The following USP8 variants were observed in gnomAD, a reference collection of about 807,000 sequenced individuals.
USP8 encodes the protein ubiquitin carboxyl-terminal hydrolase 8.
USP8 carries 27 observed loss-of-function variants against 130.0 expected under a neutral mutation model. The observed-to-expected ratio is 0.21, with a 90% confidence interval of 0.15 to 0.29. The LOEUF (loss-of-function observed/expected upper bound fraction) is 0.29. Among genes scored for constraint, USP8 ranks in the 10% least tolerant of loss-of-function variants. USP8 has a pLI of 1.00. For missense variants in USP8, 1,029 were observed against 1,312.2 expected, an observed-to-expected ratio of 0.78 and a Z score of 3.33; for synonymous variants, 392 against 444.1, an observed-to-expected ratio of 0.88 and a Z score of 1.48.
At chr15:50,426,233 A>G (rs986205422) in intron 1 of USP8, among the ~76,000 whole-genome samples, 1 of 152,226 alleles carries the variant, frequency 6.6e-6, no homozygotes, top group African/African-American at 2.4e-5. Context: ...TAAGTCTAGC[A>G]CTATATTACG....
intron 10 of USP8, among the ~76,000 whole-genome samples, chr15:50,480,595 T>C (rs1222294289): frequency 6.6e-6 from 1 of 152,118 alleles, no homozygotes; most frequent in Non-Finnish European, 1.5e-5. Flanking sequence ...GAACAGCTGA[T>C]AGACCTAAGT....
intron 12 of USP8, among the ~76,000 whole-genome samples, chr15:50,486,064 A>T (rs2051951666): frequency 6.6e-6 from 1 of 152,164 alleles, no homozygotes; most frequent in African/African-American, 2.4e-5. Context: ...GACTGACTCC[A>T]TATCCAATCT....
At chr15:50,437,331 C>T (rs1185635897) in intron 1 of USP8, among the ~76,000 whole-genome samples, 2 of 152,056 alleles carry the variant, frequency 1.3e-5, no homozygotes, top group African/African-American at 2.4e-5. Context: ...TATAATGTTG[C>T]GTTTAACATT....
chr15:50,428,452 C>T (rs557796708), intron 1 of USP8, among the ~76,000 whole-genome samples: 1 of 152,174 alleles, frequency 6.6e-6, no homozygotes, highest in Non-Finnish European at 1.5e-5. Context: ...CAGTCTTCCT[C>T]TTATCTGCAG....
In USP8 at chr15:50,500,906, G is replaced by C; in HGVS notation, c.*1818G>C. The C allele has an allele frequency of 8.0e-7, 1 of 1,254,568 alleles. No individual in the cohort carries two copies. The highest frequency in any genetic ancestry group is 1.1e-6 in the Non-Finnish European group (1 of 880,828). The allele number at this position is 1,254,568 out of a possible 1,614,324, so 77.7% of individuals were successfully genotyped here. ...ACTAACTACTGGAACAGAAATGATA[G>C]GGCCAAGAGATGCTTTTTAAATTGT... On this transcript the variant is annotated 3_prime_UTR_variant, in exon 20 of 20. Transcript: ENST00000307179.
chr15:50,435,049 G>A (rs1402754665), intron 1 of USP8, among the ~76,000 whole-genome samples: 1 of 152,154 alleles, frequency 6.6e-6, no homozygotes, highest in Non-Finnish European at 1.5e-5. Context: ...TGTTGTTGCT[G>A]CTGCTGTTTT....
At position 50,453,379 on chromosome 15, in the gene USP8, A is replaced by G. The variant is rs550426700; in HGVS notation, c.335+3894A>G. ...TATAATTTATTTTGAAATATTTTCT[A>G]ATTTCCCTTTCTTCCTTGACCCATG... On this transcript the variant is annotated intron_variant, in intron 4 of 19. Coordinates refer to ENST00000307179, the MANE Select transcript of USP8 (RefSeq NM_005154.5). Among the ~76,000 whole-genome samples, 13 of 152,310 alleles carry G rather than the reference A, an allele frequency of 8.5e-5. No individual in the cohort carries two copies. The East Asian group carries it at 2.5e-3, about 29-fold the overall frequency.
chr15:50,450,232 T>C (rs924138952), intron 4 of USP8, among the ~76,000 whole-genome samples: 8 of 152,124 alleles, frequency 5.3e-5, no homozygotes, highest in Non-Finnish European at 1.2e-4. Context: ...TCTGGCATTA[T>C]TCTTTAGAAA....
intron 13 of USP8, 114 bp from the exon 14 acceptor site, chr15:50,490,149 C>A: frequency 8.5e-7 from 1 of 1,180,906 alleles, no homozygotes; most frequent in Non-Finnish European, 1.2e-6. Flanking sequence ...CCATTTTATT[C>A]GAATTATTTT....
At chr15:50,466,567 C>T (rs1164070177) in intron 7 of USP8, among the ~76,000 whole-genome samples, 2 of 151,256 alleles carry the variant, frequency 1.3e-5, no homozygotes, top group Non-Finnish European at 2.9e-5. Flanking sequence ...TGCACTCCAG[C>T]CTGGGCTACA....
Position 50,482,053 on chromosome 15 carries a change from A to G in USP8, c.1791A>G (p.Ser597=), listed in dbSNP as rs755313736. Residue 597 remains serine (S), a synonymous_variant, in exon 11 of 20, where the codon TCA becomes TCG. Coordinates refer to ENST00000307179, the MANE Select transcript of USP8 (RefSeq NM_005154.5). ...CCCATACATCTGTGACAGGGGATTC[A>G]GGTTCAGGCAAGGTAAGCAGAAACA... ...DVPHTSVTGD[S]GSGKPFKIKG... 6.7e-7 allele frequency: 1 copy of G among 1,502,206 alleles called. No individual in the cohort carries two copies. The highest frequency in any genetic ancestry group is 1.4e-5 in the South Asian group (1 of 72,078). 93.1% of individuals were successfully genotyped at this position (1,502,206 alleles called of 1,614,324 possible).
chr15:50,448,420 C>G (rs1487744283), intron 3 of USP8, among the ~76,000 whole-genome samples: 1 of 152,034 alleles, frequency 6.6e-6, no homozygotes, highest in African/African-American at 2.4e-5. Flanking sequence ...AATGATTGAC[C>G]TCTTGGAGTA....
chr15:50,466,690 C>G (rs1046332398), intron 7 of USP8: 6 of 202,376 alleles, frequency 3.0e-5, no homozygotes, highest in African/African-American at 4.7e-5. Context: ...TGCTGTACTG[C>G]TGTTGCTCTC....
chr15:50,512,028 G>A lies in USP8; in HGVS notation c.*12940G>A, dbSNP rs541249665. ...AAAATAAATAAAATTTTAAAAATACGCAGAATAGGCACATCTATAGAAATA... is the reference window on the plus strand; with the variant it reads ...AAAATAAATAAAATTTTAAAAATACACAGAATAGGCACATCTATAGAAATA... On this transcript the variant is annotated 3_prime_UTR_variant, in exon 20 of 20. Coordinates refer to ENST00000307179, the MANE Select transcript of USP8 (RefSeq NM_005154.5). 4 of 151,928 alleles carry A rather than the reference G, an allele frequency of 2.6e-5. No individual in the cohort carries two copies. The highest frequency in any genetic ancestry group is 9.7e-5 in the African/African-American group (4 of 41,402). 9.4% of individuals were successfully genotyped at this position (151,928 alleles called of 1,614,324 possible).
chr15:50,433,576 C>T (rs1431051650), intron 1 of USP8, among the ~76,000 whole-genome samples: 1 of 152,120 alleles, frequency 6.6e-6, no homozygotes, highest in African/African-American at 2.4e-5. Context: ...TAGAAAGGAG[C>T]AGAAGGATGT....
chr15:50,483,018 A>T (rs1253283898), intron 11 of USP8, among the ~76,000 whole-genome samples: 2 of 152,230 alleles, frequency 1.3e-5, no homozygotes, highest in Non-Finnish European at 2.9e-5. Context: ...TATGAAGCCC[A>T]TGTACTAAAA....
chr15:50,458,073 T>C (rs987221098), intron 4 of USP8, among the ~76,000 whole-genome samples: 3 of 152,154 alleles, frequency 2.0e-5, no homozygotes, highest in Non-Finnish European at 2.9e-5. Flanking sequence ...CAAGCATTGA[T>C]AATTAGGGCA....
In USP8 at chr15:50,502,549, T is replaced by C. The variant is rs2141339927; in HGVS notation, c.*3461T>C. On this transcript the variant is annotated 3_prime_UTR_variant, in exon 20 of 20. Transcript: ENST00000307179. ...ACACCCAGCTAATTTTTTGTATTTT[T>C]AGTAGAGATGGGGTTTCGCCGTGTT... 6.6e-6 allele frequency: 1 copy of C among 152,432 alleles called. No individual in the cohort carries two copies. The highest frequency in any genetic ancestry group is 2.1e-4 in the South Asian group (1 of 4,826). 9.4% of individuals were successfully genotyped at this position (152,432 alleles called of 1,614,324 possible). A position where few individuals can be genotyped will look rare whatever the true frequency, so the allele number is the denominator to read the frequency against.
At chr15:50,472,458 G>A (rs1437749237) in intron 8 of USP8, among the ~76,000 whole-genome samples, 1 of 151,596 alleles carries the variant, frequency 6.6e-6, no homozygotes, top group African/African-American at 2.4e-5. Context: ...TTAGCCGGGC[G>A]CAGTGGCGGG....
Sources: allele counts gnomAD v4.1 joint callset (sites outside exome capture counted in the v4.1 genomes callset), GRCh38; gene constraint gnomAD v4.1.1; transcripts MANE v1.5; gene names NCBI Gene and HGNC (gene_info 2026-07-23, HGNC 2026-07-21).